Variants in ACVR1B observed in about 807,000 individuals in gnomAD.
The protein encoded by ACVR1B is activin A receptor type 1B.
A neutral mutation model predicts 55.6 loss-of-function variants in ACVR1B; 15 were observed. The observed-to-expected ratio is 0.27, with a 90% confidence interval of 0.18 to 0.42. The LOEUF is 0.42. ACVR1B is among the 10% of genes least tolerant of loss of function. The pLI is 1.00. For synonymous variants in ACVR1B, 247 were observed against 254.6 expected (o/e 0.97, Z 0.28); for missense variants, 359 against 670.1 (o/e 0.54, Z 5.13).
At chr12:51,971,120 C>T (rs1246836827) in intron 1 of ACVR1B, among the ~76,000 whole-genome samples, 1 of 152,092 alleles carries the variant, frequency 6.6e-6, no homozygotes, top group African/African-American at 2.4e-5. Flanking sequence ...CACTGAGTGG[C>T]CTGTCTTTTC....
At chr12:51,975,118 C>A in intron 1 of ACVR1B, 147 bp from the exon 2 acceptor site, 1 of 1,114,164 alleles carries the variant, frequency 9.0e-7, no homozygotes, top group Non-Finnish European at 1.3e-6. Flanking sequence ...TGAAGTTGTG[C>A]TCAGTTAAGG....
intron 1 of ACVR1B, among the ~76,000 whole-genome samples, chr12:51,965,269 T>C (rs986222272): frequency 2.6e-5 from 4 of 152,180 alleles, no homozygotes; most frequent in African/African-American, 9.7e-5. Flanking sequence ...TATATATTTC[T>C]GTGGTGATTG....
chr12:51,970,979 C>CA (rs1008769458), intron 1 of ACVR1B, among the ~76,000 whole-genome samples: 14 of 152,252 alleles, frequency 9.2e-5, no homozygotes, highest in African/African-American at 3.1e-4. Flanking sequence ...TTCCCTTTCA[C>CA]AGGGGGCGCC....
chr12:51,968,127 T>C (rs1182689101), intron 1 of ACVR1B, among the ~76,000 whole-genome samples: 1 of 152,152 alleles, frequency 6.6e-6, no homozygotes, highest in Non-Finnish European at 1.5e-5. Flanking sequence ...TCCCAGCAAC[T>C]TGGGAGGCTG....
intron 1 of ACVR1B, among the ~76,000 whole-genome samples, chr12:51,975,016 G>A (rs1941820839): frequency 2.0e-5 from 3 of 152,164 alleles, no homozygotes; most frequent in Admixed American, 2.0e-4. Context: ...TGAAGAAAAG[G>A]TAGTTCCTCT....
intron 8 of ACVR1B, among the ~76,000 whole-genome samples, chr12:51,993,776 A>T (rs1385728779): frequency 8.5e-6 from 1 of 118,158 alleles, no homozygotes; most frequent in African/African-American, 3.7e-5. Flanking sequence ...AAAAAAAAAA[A>T]AAAAAAAAAA....
At chr12:51,953,224 A>G (rs1941345024) in intron 1 of ACVR1B, among the ~76,000 whole-genome samples, 1 of 152,202 alleles carries the variant, frequency 6.6e-6, no homozygotes, top group Non-Finnish European at 1.5e-5. Context: ...ACTAAAAATA[A>G]TGATTCTCAG....
intron 8 of ACVR1B, among the ~76,000 whole-genome samples, chr12:51,993,483 C>T (rs1464848860): frequency 1.3e-5 from 2 of 151,954 alleles, no homozygotes; most frequent in African/African-American, 4.8e-5. Flanking sequence ...AAGGAAGAGC[C>T]GCCTGGCGCG....
At chr12:51,966,412 T>C (rs1941641775) in intron 1 of ACVR1B, among the ~76,000 whole-genome samples, 1 of 152,214 alleles carries the variant, frequency 6.6e-6, no homozygotes, top group African/African-American at 2.4e-5. Flanking sequence ...ATCTCTTAGC[T>C]GAGTGCAATG....
chr12:51,987,401 G>A (rs1230759290), intron 7 of ACVR1B: 2 of 424,074 alleles, frequency 4.7e-6, no homozygotes, highest in Non-Finnish European at 8.3e-6. Context: ...TTTCTTAAAA[G>A]TGAGTTTTTT....
At chr12:51,958,657 A>T (rs1941457262) in intron 1 of ACVR1B, among the ~76,000 whole-genome samples, 1 of 152,070 alleles carries the variant, frequency 6.6e-6, no homozygotes. Flanking sequence ...AAAAAAAAAA[A>T]AAGAAAAGAA....
chr12:51,977,956 T>TA (rs1319540710), intron 3 of ACVR1B, among the ~76,000 whole-genome samples: 1 of 152,098 alleles, frequency 6.6e-6, no homozygotes, highest in Non-Finnish European at 1.5e-5. Context: ...TGCGTGTTTT[T>TA]ATGTATGTTT....
intron 7 of ACVR1B, chr12:51,987,872 A>C (rs1942112322): frequency 6.6e-6 from 1 of 152,292 alleles, no homozygotes; most frequent in Non-Finnish European, 1.5e-5. Flanking sequence ...ACACAGTGTA[A>C]ATGCTTGAAG....
At chr12:51,993,782 A>AAAC (rs2120770043) in intron 8 of ACVR1B, among the ~76,000 whole-genome samples, 1 of 139,206 alleles carries the variant, frequency 7.2e-6, no homozygotes, top group East Asian at 2.1e-4. Context: ...AAAAAAAAAA[A>AAAC]AAAAAAAAAA....
intron 3 of ACVR1B, among the ~76,000 whole-genome samples, chr12:51,980,720 C>G (rs555031488): frequency 1.3e-5 from 2 of 152,270 alleles, no homozygotes; most frequent in East Asian, 1.9e-4. Context: ...GAGAAATTGC[C>G]TAGATAAGGA....
Position 51,990,312 on chromosome 12 carries a change from C to CTTTTTT in ACVR1B, c.1262-1534_1262-1529dup, listed in dbSNP as rs71092738. On this transcript the variant is annotated intron_variant, in intron 7 of 8. Transcript: ENST00000257963. ...CACACACACACACACAAATTTAGTG[C>CTTTTTT]TTTTTTTTTTTTTTTTTTTTTTGAG... Among the ~76,000 whole-genome samples the CTTTTTT allele has an allele frequency of 9.2e-4, 82 of 89,580 alleles. 5 individuals carry two copies. Among genetic ancestry groups the CTTTTTT allele is most frequent in the African/African-American group, 2.7e-3 (61 of 22,204 alleles). The allele number at this position is 89,580 out of a possible 152,430, so 58.8% of individuals were successfully genotyped here. A position where few individuals can be genotyped will look rare whatever the true frequency, so the allele number is the denominator to read the frequency against.
rs1298102667 is a variant in ACVR1B, at chr12:51,996,773, A to G, written c.*2663A>G. The G allele has an allele frequency of 2.6e-5, 4 of 152,614 alleles. No individual in the cohort carries two copies. The highest frequency in any genetic ancestry group is 2.0e-4 in the Admixed American group (3 of 15,268). 9.5% of individuals were successfully genotyped at this position (152,614 alleles called of 1,614,324 possible). A position where few individuals can be genotyped will look rare whatever the true frequency, so the allele number is the denominator to read the frequency against. The stretch of plus-strand genomic sequence containing the variant: ...TAAGTGAGAGTTGGGGAGAAACTGA[A>G]GCCGTGTTTTTGGCCCCCCGAGGCT... On this transcript the variant is annotated 3_prime_UTR_variant, in exon 9 of 9. Transcript: ENST00000257963.
At chr12:51,960,421 CA>C (rs902379942) in intron 1 of ACVR1B, among the ~76,000 whole-genome samples, 2 of 147,096 alleles carry the variant, frequency 1.4e-5, no homozygotes, top group African/African-American at 2.5e-5. Flanking sequence ...GATCCTGTCT[CA>C]AAAAAAAAAG....
intron 1 of ACVR1B, among the ~76,000 whole-genome samples, chr12:51,955,359 T>C (rs1435743247): frequency 6.6e-6 from 1 of 152,232 alleles, no homozygotes; most frequent in Non-Finnish European, 1.5e-5. Context: ...GGTGAGCTAA[T>C]TGTAACCTTG....
Sources: gnomAD v4.1 joint callset for allele counts (sites outside exome capture counted in the v4.1 genomes callset) on GRCh38, gnomAD v4.1.1 for gene constraint, MANE v1.5 for transcripts, NCBI Gene and HGNC (gene_info 2026-07-23, HGNC 2026-07-21) for gene names.